Variants in ANGPTL5 observed in about 807,000 individuals in gnomAD.
ANGPTL5 encodes angiopoietin like 5.
A neutral mutation model predicts 39.4 loss-of-function variants in ANGPTL5; 34 were observed. The ratio of observed to expected loss-of-function variants is 0.86; its 90% confidence interval spans 0.66 to 1.15. The LOEUF is 1.15. Among genes scored for constraint, ANGPTL5 ranks in the 50% most tolerant of loss-of-function variants. The pLI, the probability that ANGPTL5 is intolerant of heterozygous loss-of-function variation, is 0.00. For synonymous variants in ANGPTL5, 146 were observed against 152.1 expected (o/e 0.96, Z 0.29); for missense variants, 467 against 457.5 (o/e 1.02, Z -0.19).
intron 1 of ANGPTL5, among the ~76,000 whole-genome samples, chr11:101,913,660 A>C (rs1940132029): frequency 6.6e-6 from 1 of 152,226 alleles, no homozygotes; most frequent in African/African-American, 2.4e-5. Flanking sequence ...TGAGATGCCT[A>C]GGACTTACGA....
rs778018097 is a variant in ANGPTL5, at chr11:101,907,213, G to A, written c.131C>T (p.Ser44Phe). The A allele has an allele frequency of 1.3e-6, 2 of 1,546,182 alleles. No homozygotes were observed. The highest frequency in any genetic ancestry group is 1.7e-5 in the Admixed American group (1 of 58,678). ...ACTTTTACTTTCATCTTTTGCATTA[G>A]ATCCATCTTCTACAATGTTAACTAC... ...SSVVNIVEDG[S>F]NAKDESKSND... Residue 44 changes from serine (S) to phenylalanine (F), a missense_variant, in exon 3 of 9, where the codon TCT (serine) becomes TTT (phenylalanine). Coordinates refer to ENST00000334289, the MANE Select transcript of ANGPTL5 (RefSeq NM_178127.5).
rs568202655 is a variant in ANGPTL5, at chr11:101,892,522, C to G, written c.848-924G>C. ...CTAGGATTACAGGCGTGATCCACTGCTTCTGGCCTGAACATTGTATGTATG... is the reference window on the plus strand; with the variant it reads ...CTAGGATTACAGGCGTGATCCACTGGTTCTGGCCTGAACATTGTATGTATG... On this transcript the variant is annotated intron_variant, in intron 8 of 8. Transcript: ENST00000334289. Among the ~76,000 whole-genome samples, 16 of 152,260 alleles carry G rather than the reference C, an allele frequency of 1.1e-4. No homozygotes were observed. In the South Asian group the frequency reaches 3.3e-3, roughly 32 times the overall value.
At chr11:101,910,977 A>G (rs1009294743) in intron 1 of ANGPTL5, among the ~76,000 whole-genome samples, 1 of 151,920 alleles carries the variant, frequency 6.6e-6, no homozygotes, top group South Asian at 2.1e-4. Context: ...TGGATTTTAC[A>G]TTAAGTCCTT....
chr11:101,895,182 T>C (rs1591251192), intron 7 of ANGPTL5, 118 bp from the exon 8 acceptor site: 1 of 833,666 alleles, frequency 1.2e-6, no homozygotes, highest in East Asian at 2.7e-5. Flanking sequence ...AGATAAGTAA[T>C]TAAAGGCACT....
intron 7 of ANGPTL5, among the ~76,000 whole-genome samples, chr11:101,896,169 T>TATTC (rs1939789579): frequency 7.1e-6 from 1 of 140,812 alleles, no homozygotes; most frequent in Non-Finnish European, 1.5e-5. Context: ...TTTATTTATT[T>TATTC]ATTTATTTAT....
Position 101,913,591 on chromosome 11 carries a change from T to C in ANGPTL5, c.-93+2428A>G, listed in dbSNP as rs192456913. 1.1e-4 allele frequency among the ~76,000 whole-genome samples: 16 copies of C among 152,320 alleles called. 1 individual carries two copies. The Middle Eastern group carries it at 0.01, about 97-fold the overall frequency. On this transcript the variant is annotated intron_variant, in intron 1 of 8. Transcript: ENST00000334289. ...TTAAGTTAACGTAAGAAAGGATTTA[T>C]AGGCAATTGAGAAACCAAATTATGC...
In ANGPTL5 at chr11:101,900,456, T is replaced by A; in HGVS notation, c.635A>T (p.Tyr212Phe). 6.2e-7 allele frequency: 1 copy of A among 1,613,534 alleles called. No individual in the cohort carries two copies. The stretch of plus-strand genomic sequence containing the variant: ...TAGAAGATCTCCAAATCCATCCAGA[T>A]AATCACACCACAACCTCTGGAAATC... ...IIDFQRLWCDYLDGFGDLLGE... is the reference protein window; with the variant it reads ...IIDFQRLWCDFLDGFGDLLGE... Residue 212 changes from tyrosine to phenylalanine, a missense_variant, in exon 7 of 9, where the codon TAT becomes TTT. By Grantham distance (22) the Tyr-to-Phe change is conservative. Coordinates refer to ENST00000334289, the MANE Select transcript of ANGPTL5 (RefSeq NM_178127.5).
chr11:101,898,105 C>G (rs1281452122), intron 7 of ANGPTL5, among the ~76,000 whole-genome samples: 1 of 152,058 alleles, frequency 6.6e-6, no homozygotes, highest in East Asian at 1.9e-4. Context: ...CACCTGTAAT[C>G]CCAACTACTC....
intron 1 of ANGPTL5, among the ~76,000 whole-genome samples, chr11:101,912,933 A>G (rs1324387424): frequency 2.0e-5 from 3 of 152,266 alleles, no homozygotes; most frequent in Non-Finnish European, 4.4e-5. Flanking sequence ...ACCTAAGGCC[A>G]TGCCAGGCAA....
intron 6 of ANGPTL5, among the ~76,000 whole-genome samples, chr11:101,902,006 T>C (rs1474959297): frequency 6.6e-6 from 1 of 151,926 alleles, no homozygotes; most frequent in Non-Finnish European, 1.5e-5. Context: ...ATGCATAGTC[T>C]CTAGTAGAAA....
At chr11:101,896,867 A>G (rs181148363) in intron 7 of ANGPTL5, among the ~76,000 whole-genome samples, 1 of 152,298 alleles carries the variant, frequency 6.6e-6, no homozygotes. Flanking sequence ...TTGGGTATAT[A>G]CCCAGTAATG....
At chr11:101,900,121 G>T (rs1255864421) in intron 7 of ANGPTL5, among the ~76,000 whole-genome samples, 1 of 152,014 alleles carries the variant, frequency 6.6e-6, no homozygotes, top group East Asian at 1.9e-4. Context: ...TCAGTTTTTC[G>T]TTCTGCAAAC....
intron 1 of ANGPTL5, among the ~76,000 whole-genome samples, chr11:101,909,792 AG>A (rs905768666): frequency 6.6e-6 from 1 of 152,234 alleles, no homozygotes; most frequent in African/African-American, 2.4e-5. Context: ...TTAAATAAGC[AG>A]GAGGCCATTG....
rs747524689 is a variant in ANGPTL5 at position 101,895,028 on chromosome 11, A to G, written c.698T>C (p.Ile233Thr). ...FWLGLKKIFY[I>T]VNQKNTSFML... Reference sequence around the variant, plus strand: ...AAAACTGGTATTTTTCTGATTTACTATATAAAAAATCTTTTTCAGTCCTAG... The same window carrying G: ...AAAACTGGTATTTTTCTGATTTACTGTATAAAAAATCTTTTTCAGTCCTAG... The change falls in exon 8 of 9, where the codon ATA becomes ACA. Residue 233 changes from isoleucine (I) to threonine (T), a missense_variant. By Grantham distance (89) the Ile-to-Thr change is moderately conservative (BLOSUM62 -1). Coordinates refer to ENST00000334289, the MANE Select transcript of ANGPTL5 (RefSeq NM_178127.5). 22 of 1,605,106 alleles carry G rather than the reference A, an allele frequency of 1.4e-5. No individual in the cohort carries two copies. Among genetic ancestry groups the G allele is most frequent in the Non-Finnish European group, 1.9e-5 (22 of 1,175,596 alleles).
chr11:101,908,822 A>G (rs1435971496), intron 1 of ANGPTL5, among the ~76,000 whole-genome samples: 3 of 151,948 alleles, frequency 2.0e-5, no homozygotes, highest in East Asian at 3.9e-4. Context: ...TAAGACTGTA[A>G]TTAATCTGTA....
At chr11:101,897,082 T>C (rs1209763678) in intron 7 of ANGPTL5, among the ~76,000 whole-genome samples, 1 of 152,262 alleles carries the variant, frequency 6.6e-6, no homozygotes, top group African/African-American at 2.4e-5. Flanking sequence ...CTTGTGGTTT[T>C]GATTTGCATT....
At chr11:101,915,314 C>A in intron 1 of ANGPTL5, 1 of 1,613,760 alleles carries the variant, frequency 6.2e-7, no homozygotes, top group Non-Finnish European at 8.5e-7. Context: ...GAACCCGGAG[C>A]GCGGTCGGGG....
At chr11:101,906,627 T>G (rs1270422056) in intron 3 of ANGPTL5, among the ~76,000 whole-genome samples, 2 of 152,264 alleles carry the variant, frequency 1.3e-5, no homozygotes, top group East Asian at 3.9e-4. Flanking sequence ...CCCAAGATAG[T>G]AATAATGTTG....
At chr11:101,907,473 C>T (rs1940018514) in intron 2 of ANGPTL5, among the ~76,000 whole-genome samples, 1 of 151,656 alleles carries the variant, frequency 6.6e-6, no homozygotes, top group Non-Finnish European at 1.5e-5. Flanking sequence ...ACTCACAGGA[C>T]AATATTTGAA....
Sources: allele counts gnomAD v4.1 joint callset (sites outside exome capture counted in the v4.1 genomes callset), GRCh38; gene constraint gnomAD v4.1.1; transcripts MANE v1.5; gene names NCBI Gene and HGNC (gene_info 2026-07-23, HGNC 2026-07-21).